SLC6A12: variants seen among roughly 807,000 people sequenced by gnomAD.
The protein encoded by SLC6A12 is solute carrier family 6 member 12.
SLC6A12 carries 50 observed loss-of-function variants against 73.3 expected under a neutral mutation model. The ratio of observed to expected loss-of-function variants is 0.68; its 90% CI spans 0.54 to 0.86. The LOEUF (loss-of-function observed/expected upper bound fraction) is 0.86. Among genes scored for constraint, SLC6A12 ranks in the 40% least tolerant of loss-of-function variants. SLC6A12 has a pLI of 0.00. For synonymous variants in SLC6A12, 304 were observed against 309.2 expected, an observed-to-expected ratio of 0.98 and a Z score of 0.18; for missense variants, 648 against 772.8, an observed-to-expected ratio of 0.84 and a Z score of 1.92.
chr12:186,846 G>A (rs969319402), downstream of SLC6A12, among the ~76,000 whole-genome samples: 2 of 152,158 alleles, frequency 1.3e-5, no homozygotes, highest in Admixed American at 6.5e-5. Context: ...TAGCATCATA[G>A]GGTGTGAGGT....
Position 197,879 on chromosome 12 carries a change from C to A in SLC6A12, c.950+21G>T, listed in dbSNP as rs200351083. The A allele has an allele frequency of 3.8e-4, 589 of 1,529,956 alleles. 4 individuals are homozygous for A. The African/African-American group carries it at 6.8e-3, about 18-fold the overall frequency. The allele number at this position is 1,529,956 out of a possible 1,614,324, so 94.8% of individuals were successfully genotyped here. A position where few individuals can be genotyped will look rare whatever the true frequency, so the allele number is the denominator to read the frequency against. ...AGGCCCCAACCCTCCTTCACCCCAC[C>A]CCGGCCCACGCTGTTCTCACTTGTA... On this transcript the variant is annotated intron_variant, in intron 9 of 15. Transcript: ENST00000684302.
In SLC6A12 at chr12:209,804, C is replaced by A. The variant is rs1294373026; in HGVS notation, c.183G>T (p.Arg61Ser). 6.2e-7 allele frequency: 1 copy of A among 1,614,214 alleles called. No homozygotes were observed. Among genetic ancestry groups the A allele is most frequent in the South Asian group, 1.1e-5 (1 of 91,084 alleles). ...GEIIGLGNVW[R>S]FPYLCYKNGG... ...CGTTTTTGTAGCAGAGATAGGGAAA[C>A]CTCCAGACATTGCCCAGCCCAATGA... The change falls in exon 3 of 16, where the codon AGG becomes AGT. Residue 61 changes from arginine (R) to serine (S), a missense_variant. Physicochemically the swap from Arg to Ser is moderately radical, Grantham distance 110 (BLOSUM62 -1). Transcript: ENST00000684302.
At chr12:196,656 G>C (rs1939882533) in intron 11 of SLC6A12, 114 bp downstream of exon 11, 1 of 772,300 alleles carries the variant, frequency 1.3e-6, no homozygotes, top group Admixed American at 1.9e-5. Flanking sequence ...GACAGCAGAG[G>C]GGGCCTCAGG....
At chr12:188,406 G>A (rs1490632530), downstream of SLC6A12, among the ~76,000 whole-genome samples, 1 of 152,058 alleles carries the variant, frequency 6.6e-6, no homozygotes, top group Non-Finnish European at 1.5e-5. Context: ...CCCGGAACTC[G>A]CGCTGGCCCG....
In SLC6A12 at chr12:198,060, G is replaced by T. The variant is rs925681597; in HGVS notation, c.847-57C>A. 13 of 1,451,928 alleles carry T rather than the reference G, an allele frequency of 9.0e-6. No individual in the cohort carries two copies. Among genetic ancestry groups the T allele is most frequent in the Non-Finnish European group, 1.3e-5 (13 of 1,035,226 alleles). The allele number at this position is 1,451,928 out of a possible 1,614,324, so 89.9% of individuals were successfully genotyped here. ...AGCCCCCAGGGCCCAGAGCCAGGGT[G>T]ACCCGAGATCCAGACCCGTCCCCTG... On this transcript the variant is annotated intron_variant, in intron 8 of 15. Coordinates refer to ENST00000684302, the MANE Select transcript of SLC6A12 (RefSeq NM_001122848.3). This position sits in a 1 kb window ranked among gnomAD's most constrained non-coding sequence, Gnocchi z 4.0.
intron 13 of SLC6A12, chr12:193,902 T>C (rs1404943157): frequency 6.6e-6 from 1 of 152,336 alleles, no homozygotes; most frequent in Non-Finnish European, 1.5e-5. Flanking sequence ...GTAAGAAGGT[T>C]AATTTGTGTT....
At chr12:205,953 T>C (rs941963570) in intron 3 of SLC6A12, among the ~76,000 whole-genome samples, 3 of 152,252 alleles carry the variant, frequency 2.0e-5, no homozygotes, top group Non-Finnish European at 2.9e-5. Flanking sequence ...AACACTGTCA[T>C]AATGAAGACC....
At chr12:212,557 C>A (rs1161575663) in intron 1 of SLC6A12, among the ~76,000 whole-genome samples, 1 of 152,042 alleles carries the variant, frequency 6.6e-6, no homozygotes, top group African/African-American at 2.4e-5. Context: ...TCGGGAGGAG[C>A]GTAACTTGTG....
At position 191,143 on chromosome 12, in the gene SLC6A12, G is replaced by T. The variant is rs1169463823; in HGVS notation, c.1770C>A (p.Gly590=). The T allele has an allele frequency of 7.5e-7, 1 of 1,338,812 alleles. No individual in the cohort carries two copies. Among genetic ancestry groups the T allele is most frequent in the Non-Finnish European group, 9.7e-7 (1 of 1,032,108 alleles). 82.9% of individuals were successfully genotyped at this position (1,338,812 alleles called of 1,614,324 possible). ...PQPKQHPCLD[G]SAGRNFGPSP... ...AGGGCCCAAAGTTCCGGCCAGCACT[G>T]CCATCCAAGCAGGGATGTTGCTTGG... The change falls in exon 16 of 16, where the codon GGC becomes GGA. Residue 590 remains glycine (G), a synonymous_variant. Coordinates refer to ENST00000684302, the MANE Select transcript of SLC6A12 (RefSeq NM_001122848.3).
chr12:200,147 C>G (rs532701460), intron 7 of SLC6A12, among the ~76,000 whole-genome samples: 40 of 139,542 alleles, frequency 2.9e-4, no homozygotes, highest in Non-Finnish European at 5.1e-4. Flanking sequence ...GTCTGGCTGT[C>G]GCCCAGGCTG....
downstream of SLC6A12, among the ~76,000 whole-genome samples, chr12:185,866 T>C (rs1227847531): frequency 6.6e-6 from 1 of 152,256 alleles, no homozygotes; most frequent in Non-Finnish European, 1.5e-5. Flanking sequence ...CCCCATCCTG[T>C]CTGGCAAACA....
At chr12:192,718 G>T in intron 14 of SLC6A12, 70 bp from the exon 15 acceptor site, 2 of 1,461,506 alleles carry the variant, frequency 1.4e-6, no homozygotes, top group Non-Finnish European at 1.9e-6. Flanking sequence ...GCTACGTACA[G>T]CCAAGGACAG....
intron 3 of SLC6A12, among the ~76,000 whole-genome samples, chr12:205,940 C>T (rs1047571149): frequency 1.6e-4 from 24 of 152,124 alleles, no homozygotes; most frequent in African/African-American, 5.3e-4. Flanking sequence ...TCATTTCATC[C>T]GAAACACTGT....
At chr12:186,883 G>A (rs1449025013), downstream of SLC6A12, among the ~76,000 whole-genome samples, 3 of 152,278 alleles carry the variant, frequency 2.0e-5, no homozygotes, top group East Asian at 1.9e-4. Context: ...TGGAGCCTGT[G>A]GTAACCCTGC....
In SLC6A12 at chr12:213,880, G is replaced by A. The variant is rs1941005248; in HGVS notation, c.-143+42C>T. 6.6e-6 allele frequency: 1 copy of A among 152,478 alleles called. No individual in the cohort carries two copies. Among genetic ancestry groups the A allele is most frequent in the Non-Finnish European group, 1.5e-5 (1 of 68,302 alleles). The allele number at this position is 152,478 out of a possible 1,614,324, so 9.4% of individuals were successfully genotyped here. ...CTCCAGCCCCTCTGAGCAGCAGTTG[G>A]AGACTGCAAAGACAGAGCCAGCCCC... is the stretch of plus-strand genomic sequence containing the variant. On this transcript the variant is annotated intron_variant, in intron 1 of 15. Coordinates refer to ENST00000684302, the MANE Select transcript of SLC6A12 (RefSeq NM_001122848.3). This position sits in a 1 kb window ranked among gnomAD's most constrained non-coding sequence, Gnocchi z 5.3.
Position 190,985 on chromosome 12 carries a change from G to A in SLC6A12, c.*83C>T, listed in dbSNP as rs1939569533. ...CCCAGCAGGATTGTGGCAGGAGACA[G>A]AGGCAGAGGCTGTCCGCTGAGAATG... is the stretch of plus-strand genomic sequence containing the variant. On this transcript the variant is annotated 3_prime_UTR_variant, in exon 16 of 16. Transcript: ENST00000684302. The A allele has an allele frequency of 8.6e-7, 1 of 1,161,486 alleles. No individual in the cohort carries two copies. The highest frequency in any genetic ancestry group is 3.2e-5 in the East Asian group (1 of 31,658). 71.9% of individuals were successfully genotyped at this position (1,161,486 alleles called of 1,614,324 possible).
intron 15 of SLC6A12, among the ~76,000 whole-genome samples, chr12:192,271 T>A (rs1939636453): frequency 6.6e-6 from 1 of 152,122 alleles, no homozygotes; most frequent in African/African-American, 2.4e-5. Context: ...AGTCTGTAGG[T>A]CTAGGACTCT....
At chr12:197,617 GGGGAGGCAA>G (rs922903151) in intron 9 of SLC6A12, 116 bp from the exon 10 acceptor site, 73 of 1,072,138 alleles carry the variant, frequency 6.8e-5, no homozygotes, top group African/African-American at 1.1e-4. Context: ...GAGAGAGAAG[GGGGAGGCAA>G]GGGAGGCACA....
Position 200,829 on chromosome 12 carries a change from G to T in SLC6A12, c.579-46C>A, listed in dbSNP as rs749795152. On this transcript the variant is annotated intron_variant, in intron 6 of 15. Coordinates refer to ENST00000684302, the MANE Select transcript of SLC6A12 (RefSeq NM_001122848.3). ...AGTAATGAGGGGAAAGGCTAAAGGG[G>T]ACAGTTTGCGTCTGTCAGCAAGTCT... 46 of 1,587,042 alleles carry T rather than the reference G, an allele frequency of 2.9e-5. No individual in the cohort carries two copies. In the Admixed American group the frequency reaches 7.3e-4, roughly 25 times the overall value.
Sources: allele counts gnomAD v4.1 joint callset (sites outside exome capture counted in the v4.1 genomes callset), GRCh38; gene constraint gnomAD v4.1.1; non-coding constraint Gnocchi (gnomAD v3.1); transcripts MANE v1.5; gene names NCBI Gene and HGNC (gene_info 2026-07-23, HGNC 2026-07-21).